Variants in HPS5 observed in about 807,000 individuals in gnomAD.
HPS5 encodes the protein HPS5 biogenesis of lysosomal organelles complex 2 subunit 2, also known as BLOC-2 complex member HPS5.
Under a neutral mutation model 128.0 loss-of-function variants are expected in HPS5, and 83 were observed. That is an observed-to-expected ratio of 0.65 (90% CI 0.54 to 0.78). The LOEUF (loss-of-function observed/expected upper bound fraction) is 0.78. HPS5 is among the 30% of genes least tolerant of loss of function. The pLI is 0.00. For missense variants in HPS5, 1,281 were observed against 1,326.2 expected (o/e 0.97, Z 0.53); for synonymous variants, 475 against 470.2 (o/e 1.01, Z -0.13).
At position 18,285,350 on chromosome 11, in the gene HPS5, A is replaced by G. The variant is rs1022519739; in HGVS notation, c.2947T>C (p.Cys983Arg). 1 of 1,601,030 alleles carries G rather than the reference A, an allele frequency of 6.2e-7. No individual in the cohort carries two copies. Among genetic ancestry groups the G allele is most frequent in the African/African-American group, 1.3e-5 (1 of 74,756 alleles). ...TTCTAAAAAATTCTCACTTACCCAC[A>G]AGACCTGCAGATGTCTGTCATTTTC... ...KEKMTDICRSCGFWPGYLILC... is the reference protein window; with the variant it reads ...KEKMTDICRSRGFWPGYLILC... Residue 983 changes from cysteine to arginine, a missense_variant, in exon 20 of 23, where the codon TGT becomes CGT. Coordinates refer to ENST00000349215, the MANE Select transcript of HPS5 (RefSeq NM_181507.2).
chr11:18,303,912 T>C (rs1051070870), intron 8 of HPS5, among the ~76,000 whole-genome samples: 3 of 150,166 alleles, frequency 2.0e-5, no homozygotes, highest in Non-Finnish European at 4.4e-5. Flanking sequence ...CATCACATCA[T>C]AGTCAACAAA....
At chr11:18,308,896 C>T (rs1423408184) in intron 6 of HPS5, 50 bp downstream of exon 6, 1 of 1,593,530 alleles carries the variant, frequency 6.3e-7, no homozygotes. Flanking sequence ...CTAAGTTCCT[C>T]CCAGTTCTAA....
At chr11:18,297,997 T>C (rs965261145) in intron 10 of HPS5, among the ~76,000 whole-genome samples, 2 of 151,550 alleles carry the variant, frequency 1.3e-5, no homozygotes, top group Non-Finnish European at 2.9e-5. Flanking sequence ...GGAGAATCAT[T>C]TGAACCTGGG....
intron 8 of HPS5, among the ~76,000 whole-genome samples, chr11:18,303,037 C>T (rs1269928051): frequency 6.6e-6 from 1 of 152,064 alleles, no homozygotes; most frequent in Non-Finnish European, 1.5e-5. Flanking sequence ...GGACATAAGC[C>T]TAACAGCATT....
chr11:18,284,177 A>C (rs920903500), intron 20 of HPS5, among the ~76,000 whole-genome samples: 16 of 152,110 alleles, frequency 1.1e-4, no homozygotes, highest in Admixed American at 2.6e-4. Flanking sequence ...GAAAAAAAAA[A>C]AACAAAAAAC....
At chr11:18,292,837 G>T in intron 15 of HPS5, 62 bp downstream of exon 15, 2 of 1,188,806 alleles carry the variant, frequency 1.7e-6, no homozygotes, top group Non-Finnish European at 2.5e-6. Flanking sequence ...ACAATATAAT[G>T]ATTCACTTCG....
In HPS5 at chr11:18,300,695, T is replaced by A. The variant is rs1198113534; in HGVS notation, c.985+133A>T. On this transcript the variant is annotated intron_variant, in intron 9 of 22. Transcript: ENST00000349215. Reference sequence around the variant, plus strand: ...CTGGGTGACAGAGCAAGACTTAGTCTCAAAAAAAAAAAAAAAAAAAAAAAA... The same window carrying A: ...CTGGGTGACAGAGCAAGACTTAGTCACAAAAAAAAAAAAAAAAAAAAAAAA... 21 of 463,212 alleles carry A rather than the reference T, an allele frequency of 4.5e-5. No individual in the cohort carries two copies. In the African/African-American group the frequency reaches 9.7e-4, roughly 21 times the overall value. The allele number at this position is 463,212 out of a possible 1,614,324, so 28.7% of individuals were successfully genotyped here.
In HPS5 at chr11:18,279,746, T is replaced by C. The variant is rs1428696423; in HGVS notation, c.*136A>G. On this transcript the variant is annotated 3_prime_UTR_variant, in exon 23 of 23. Coordinates refer to ENST00000349215, the MANE Select transcript of HPS5 (RefSeq NM_181507.2). ...ATGCCGATGCCAAGGGTACAGACAC[T>C]GACAAAAGTAGCCCCAATAAGATGG... 8.6e-6 allele frequency: 7 copies of C among 816,306 alleles called. No homozygotes were observed. In the Admixed American group the frequency reaches 1.2e-4, roughly 14 times the overall value. The allele number at this position is 816,306 out of a possible 1,614,324, so 50.6% of individuals were successfully genotyped here.
intron 16 of HPS5, among the ~76,000 whole-genome samples, chr11:18,289,906 G>A (rs1025317719): frequency 7.2e-5 from 11 of 152,146 alleles, no homozygotes; most frequent in African/African-American, 1.7e-4. Flanking sequence ...GCGACCTTCC[G>A]CCAAGGTAGA....
In HPS5 at chr11:18,292,930, G is replaced by A. The variant is rs2134296579; in HGVS notation, c.1831C>T (p.Gln611Ter). The A allele has an allele frequency of 1.2e-6, 2 of 1,613,982 alleles. No homozygotes were observed. Among genetic ancestry groups the A allele is most frequent in the Non-Finnish European group, 1.7e-6 (2 of 1,179,896 alleles). Residue 611 changes from glutamine to a stop codon, truncating the protein, a stop_gained, in exon 15 of 23, where the codon CAG becomes TAG. Coordinates refer to ENST00000349215, the MANE Select transcript of HPS5 (RefSeq NM_181507.2). LOFTEE classifies it high-confidence loss of function. ...TSPPPEEDRF[Q>*]ELKVATAEAM... Reference sequence around the variant, plus strand: ...TCTGCTGTTGCTACTTTAAGCTCCTGGAACCTGTCTTCTTCTGGAGGTGGA... The same window carrying A: ...TCTGCTGTTGCTACTTTAAGCTCCTAGAACCTGTCTTCTTCTGGAGGTGGA...
chr11:18,296,150 A>C (rs1431822792), intron 12 of HPS5, 28 bp from the exon 13 acceptor site: 8 of 1,609,630 alleles, frequency 5.0e-6, no homozygotes, highest in African/African-American at 1.3e-5. Context: ...GAAAAAAAGA[A>C]ACAAAATCTA....
intron 6 of HPS5, 144 bp from the exon 7 acceptor site, chr11:18,306,491 T>C (rs1862388307): frequency 4.7e-6 from 3 of 633,058 alleles, no homozygotes; most frequent in African/African-American, 1.8e-5. Context: ...AAAAAAACAA[T>C]AGAATGGAAA....
intron 21 of HPS5, among the ~76,000 whole-genome samples, chr11:18,283,462 C>A (rs968025662): frequency 1.3e-5 from 2 of 151,406 alleles, no homozygotes; most frequent in African/African-American, 4.8e-5. Flanking sequence ...CCTCAGTTAT[C>A]TGGAAAGTGG....
At position 18,291,851 on chromosome 11, in the gene HPS5, A is replaced by C; in HGVS notation, c.2031T>G (p.Asn677Lys). 6.2e-7 allele frequency: 1 copy of C among 1,610,066 alleles called. No individual in the cohort carries two copies. Among genetic ancestry groups the C allele is most frequent in the South Asian group, 1.1e-5 (1 of 90,316 alleles). Residue 677 changes from asparagine (N) to lysine (K), a missense_variant, in exon 16 of 23, where the codon AAT becomes AAG. Physicochemically the swap from Asn to Lys is moderately conservative, Grantham distance 94 (BLOSUM62 0). Transcript: ENST00000349215. The stretch of plus-strand genomic sequence containing the variant: ...CATCTAATATTCCCTTTTTTGATTC[A>C]TTAACTAATAGCACATCCTGGTTCA... ...MKLNQDVLLVNESKKGILDED... is the reference protein window; with the variant it reads ...MKLNQDVLLVKESKKGILDED...
chr11:18,313,616 T>G (rs896498028), intron 2 of HPS5, among the ~76,000 whole-genome samples: 10 of 152,128 alleles, frequency 6.6e-5, no homozygotes, highest in Non-Finnish European at 1.2e-4. Flanking sequence ...TTAAACATTT[T>G]TATTTTTAAG....
At chr11:18,309,644 T>C (rs1174938862) in intron 5 of HPS5, among the ~76,000 whole-genome samples, 1 of 152,238 alleles carries the variant, frequency 6.6e-6, no homozygotes. Flanking sequence ...AATCAATTGA[T>C]AACGTTGATA....
At chr11:18,304,012 C>A (rs1862057047) in intron 8 of HPS5, among the ~76,000 whole-genome samples, 1 of 152,054 alleles carries the variant, frequency 6.6e-6, no homozygotes, top group South Asian at 2.1e-4. Flanking sequence ...CCTCATGGAG[C>A]TTACTGTTTA....
At chr11:18,280,686 C>T (rs1398962564) in intron 22 of HPS5, 1 of 637,914 alleles carries the variant, frequency 1.6e-6, no homozygotes, top group East Asian at 2.8e-5. Flanking sequence ...CATATATATA[C>T]AACGGAATAT....
In HPS5 at chr11:18,292,900, T is replaced by C; in HGVS notation, c.1861A>G (p.Met621Val). 6.2e-7 allele frequency: 1 copy of C among 1,611,408 alleles called. No individual in the cohort carries two copies. Among genetic ancestry groups the C allele is most frequent in the Non-Finnish European group, 8.5e-7 (1 of 1,177,472 alleles). The change falls in exon 15 of 23, where the codon ATG becomes GTG. Residue 621 changes from methionine (M) to valine (V), a missense_variant and splice_region_variant. Transcript: ENST00000349215. ...ATAAAAGTTTCTCATTATACTCACATTGCTTCTGCTGTTGCTACTTTAAGC... is the reference window on the plus strand; with the variant it reads ...ATAAAAGTTTCTCATTATACTCACACTGCTTCTGCTGTTGCTACTTTAAGC... ...QELKVATAEA[M>V]TKLQDPLVLF...
Sources: allele counts gnomAD v4.1 joint callset (sites outside exome capture counted in the v4.1 genomes callset), GRCh38; gene constraint gnomAD v4.1.1; transcripts MANE v1.5; gene names NCBI Gene and HGNC (gene_info 2026-07-23, HGNC 2026-07-21).